The following TRPC7 variants were observed in gnomAD, a reference collection of about 807,000 sequenced individuals.
The protein encoded by TRPC7 is transient receptor potential cation channel subfamily C member 7.
In TRPC7, 42 loss-of-function variants were observed where a neutral mutation model predicts 90.1. The ratio of observed to expected loss-of-function variants is 0.47; its 90% CI spans 0.36 to 0.60. The LOEUF (loss-of-function observed/expected upper bound fraction) is 0.60, where lower values mean the gene tolerates loss of function less well. Ranked by LOEUF, TRPC7 falls within the 20% of genes least tolerant of loss-of-function variation. TRPC7 has a pLI of 0.00. For synonymous variants in TRPC7, 451 were observed against 436.3 expected, an observed-to-expected ratio of 1.03 and a Z score of -0.42; for missense variants, 955 against 1,112.3, an observed-to-expected ratio of 0.86 and a Z score of 2.01.
At chr5:136,225,784 C>A (rs1755606653) in intron 9 of TRPC7, among the ~76,000 whole-genome samples, 1 of 152,122 alleles carries the variant, frequency 6.6e-6, no homozygotes. Context: ...CTTAGCCAGG[C>A]AGCTTACTAT....
intron 7 of TRPC7, among the ~76,000 whole-genome samples, chr5:136,246,254 T>C (rs1756333629): frequency 6.6e-6 from 1 of 152,240 alleles, no homozygotes; most frequent in Non-Finnish European, 1.5e-5. Flanking sequence ...CACATGATGC[T>C]GCAGGACTTG....
chr5:136,338,979 C>T (rs189282703), intron 2 of TRPC7, among the ~76,000 whole-genome samples: 19 of 152,132 alleles, frequency 1.2e-4, no homozygotes, highest in East Asian at 9.7e-4. Flanking sequence ...CTGAAAAATA[C>T]GTATCTGGGG....
chr5:136,356,677 G>T lies in TRPC7; in HGVS notation c.711C>A (p.Asp237Glu). The change falls in exon 2 of 12, where the codon GAC (aspartate) becomes GAA (glutamate). Residue 237 changes from aspartate to glutamate, a missense_variant. Asp to Glu is a conservative substitution (Grantham distance 45). Around this residue, in one of 4 missense-constraint regions of TRPC7, gnomAD observed 484 missense variants for 509.6 expected, o/e 0.95. Transcript: ENST00000513104. The part of the protein sequence containing the change: ...SAAYLSLSSE[D>E]PVLTALELSN... ...TGAGCTCCAGGGCGGTGAGGACAGG[G>T]TCTTCGCTGGACAGGGACAAGTAGG... is the stretch of plus-strand genomic sequence containing the variant. 1 of 1,600,838 alleles carries T rather than the reference G, an allele frequency of 6.2e-7. No individual in the cohort carries two copies. The highest frequency in any genetic ancestry group is 8.5e-7 in the Non-Finnish European group (1 of 1,172,954).
At chr5:136,310,100 C>T (rs938496567) in intron 3 of TRPC7, among the ~76,000 whole-genome samples, 1 of 152,164 alleles carries the variant, frequency 6.6e-6, no homozygotes, top group Non-Finnish European at 1.5e-5. Flanking sequence ...ACCCAGTCCT[C>T]CCAAGGCCCA....
intron 3 of TRPC7, among the ~76,000 whole-genome samples, chr5:136,291,142 C>A (rs1412260336): frequency 6.6e-6 from 1 of 152,134 alleles, no homozygotes; most frequent in Non-Finnish European, 1.5e-5. Context: ...CTGAAAGAAG[C>A]TCTAAACATG....
intron 8 of TRPC7, 65 bp from the exon 9 acceptor site, chr5:136,226,320 G>T: frequency 8.5e-7 from 1 of 1,180,770 alleles, no homozygotes; most frequent in Non-Finnish European, 1.2e-6. Flanking sequence ...AGCCCAACCT[G>T]AGGAGCAGAG....
chr5:136,274,177 G>A (rs1055029289), intron 4 of TRPC7, among the ~76,000 whole-genome samples: 3 of 152,198 alleles, frequency 2.0e-5, no homozygotes, highest in African/African-American at 7.2e-5. Flanking sequence ...AGCTGTGTTT[G>A]ACTCCCAGCC....
At chr5:136,237,061 T>C (rs76366939) in intron 7 of TRPC7, among the ~76,000 whole-genome samples, 10 of 152,182 alleles carry the variant, frequency 6.6e-5, no homozygotes, top group African/African-American at 2.4e-4. Flanking sequence ...GATAAAGATC[T>C]TCTCAGAGGC....
intron 8 of TRPC7, among the ~76,000 whole-genome samples, chr5:136,229,692 CTAA>C (rs1446527407): frequency 6.6e-6 from 1 of 152,176 alleles, no homozygotes; most frequent in East Asian, 1.9e-4. Context: ...GAAGAAACTT[CTAA>C]TGTTTAAGCC....
chr5:136,361,162 CTCCCT>C (rs1760556242), intron 1 of TRPC7, among the ~76,000 whole-genome samples: 1 of 152,156 alleles, frequency 6.6e-6, no homozygotes, highest in East Asian at 1.9e-4. Context: ...CAAAATGAAT[CTCCCT>C]AAAATGCAAT....
chr5:136,328,844 T>C (rs1347800047), intron 2 of TRPC7, among the ~76,000 whole-genome samples: 4 of 152,222 alleles, frequency 2.6e-5, no homozygotes, highest in Admixed American at 6.5e-5. Context: ...AACCTCCTCA[T>C]TGGATTTATT....
At position 136,266,199 on chromosome 5, in the gene TRPC7, A is replaced by G. The variant is rs1440030237; in HGVS notation, c.1345+21T>C. 3.1e-6 allele frequency: 5 copies of G among 1,599,574 alleles called. No homozygotes were observed. In the African/African-American group the frequency reaches 6.7e-5, roughly 21 times the overall value. On this transcript the variant is annotated intron_variant, in intron 5 of 11. Transcript: ENST00000513104. ...TACTATAATTAGCAAGGAGAGAATA[A>G]AAATAGAGTGACTTGCTTACCTAAG...
rs866791803 is a variant in TRPC7, at chr5:136,309,393, C to A, written c.963+6204G>T. On this transcript the variant is annotated intron_variant, in intron 3 of 11. Transcript: ENST00000513104. ...CTCCCATCTCCCACATAATTTTTCC[C>A]ATTTTTTTACTTTCTTCAGGCTGCT... Among the ~76,000 whole-genome samples the A allele has an allele frequency of 9.8e-5, 15 of 152,332 alleles. 1 individual carries two copies. The Middle Eastern group carries it at 0.017, about 174-fold the overall frequency.
intron 5 of TRPC7, among the ~76,000 whole-genome samples, chr5:136,261,855 T>C (rs1482271231): frequency 1.3e-5 from 2 of 152,250 alleles, no homozygotes; most frequent in Admixed American, 6.5e-5. Context: ...CTACTTGGCA[T>C]TTCCACATGA....
chr5:136,220,726 T>C (rs1356061884), intron 10 of TRPC7, among the ~76,000 whole-genome samples: 1 of 152,162 alleles, frequency 6.6e-6, no homozygotes, highest in Admixed American at 6.5e-5. Flanking sequence ...ATCTTTGTTC[T>C]CCTTTGAAGC....
chr5:136,304,400 C>A (rs201386306), intron 3 of TRPC7, among the ~76,000 whole-genome samples: 1 of 149,532 alleles, frequency 6.7e-6, no homozygotes, highest in African/African-American at 2.5e-5. Flanking sequence ...ACCATTCCCC[C>A]ATTTTACCTG....
intron 6 of TRPC7, among the ~76,000 whole-genome samples, chr5:136,249,975 G>T (rs1025983157): frequency 6.6e-6 from 1 of 152,168 alleles, no homozygotes; most frequent in Non-Finnish European, 1.5e-5. Context: ...GCTTTGGGTT[G>T]GGTGAGACCT....
At chr5:136,252,236 C>A (rs1376638065) in intron 5 of TRPC7, among the ~76,000 whole-genome samples, 5 of 152,156 alleles carry the variant, frequency 3.3e-5, no homozygotes, top group African/African-American at 1.2e-4. Flanking sequence ...TATAGGGAAA[C>A]TGAGGTCCAG....
intron 6 of TRPC7, among the ~76,000 whole-genome samples, chr5:136,249,978 T>G (rs950482545): frequency 6.6e-6 from 1 of 152,164 alleles, no homozygotes; most frequent in Non-Finnish European, 1.5e-5. Context: ...TTGGGTTGGG[T>G]GAGACCTTAA....
Sources: gnomAD v4.1 joint callset for allele counts (sites outside exome capture counted in the v4.1 genomes callset) on GRCh38, gnomAD v4.1.1 for gene constraint, gnomAD v4.1.1 regional missense constraint, MANE v1.5 for transcripts, NCBI Gene and HGNC (gene_info 2026-07-23, HGNC 2026-07-21) for gene names.